Variants in COL8A1 observed in about 807,000 individuals in gnomAD.
COL8A1 encodes collagen type VIII alpha 1 chain.
Under a neutral mutation model 42.7 loss-of-function variants are expected in COL8A1, and 21 were observed. That is an observed-to-expected ratio of 0.49 (90% CI 0.35 to 0.71). The LOEUF is 0.71. Among genes scored for constraint, COL8A1 ranks in the 30% least tolerant of loss-of-function variants. The pLI is 0.01. For missense variants in COL8A1, 788 were observed against 962.4 expected (o/e 0.82, Z 2.40); for synonymous variants, 367 against 369.1 (o/e 0.99, Z 0.06).
intron 1 of COL8A1, among the ~76,000 whole-genome samples, chr3:99,739,158 G>A (rs527782643): frequency 1.3e-5 from 2 of 152,182 alleles, no homozygotes; most frequent in Admixed American, 1.3e-4. Context: ...CAGTACCTCA[G>A]ATGGAAATGC....
chr3:99,743,026 G>A (rs1940937780), intron 1 of COL8A1, among the ~76,000 whole-genome samples: 1 of 152,184 alleles, frequency 6.6e-6, no homozygotes, highest in Admixed American at 6.5e-5. Flanking sequence ...GCACATAGTA[G>A]GTGCTCAATA....
At chr3:99,756,219 C>T (rs1404622966) in intron 2 of COL8A1, among the ~76,000 whole-genome samples, 1 of 151,644 alleles carries the variant, frequency 6.6e-6, no homozygotes, top group East Asian at 1.9e-4. Flanking sequence ...TTTTCTGAAT[C>T]TTATAATCCT....
chr3:99,711,974 T>C (rs1426602523), intron 1 of COL8A1, among the ~76,000 whole-genome samples: 2 of 152,162 alleles, frequency 1.3e-5, no homozygotes, highest in Non-Finnish European at 2.9e-5. Context: ...GTGACTTTCT[T>C]TCCACTAATA....
chr3:99,645,778 G>A (rs1007142507), intron 1 of COL8A1, among the ~76,000 whole-genome samples: 7 of 151,604 alleles, frequency 4.6e-5, no homozygotes, highest in South Asian at 2.1e-4. Flanking sequence ...TGAAATGTCC[G>A]GGCTTGTGGA....
chr3:99,716,405 A>C (rs1376264992), intron 1 of COL8A1, among the ~76,000 whole-genome samples: 1 of 152,092 alleles, frequency 6.6e-6, no homozygotes, highest in Non-Finnish European at 1.5e-5. Flanking sequence ...CAAGCATTCC[A>C]TCAGAATGAT....
At chr3:99,730,461 C>T (rs985156420) in intron 1 of COL8A1, among the ~76,000 whole-genome samples, 13 of 152,098 alleles carry the variant, frequency 8.5e-5, no homozygotes, top group African/African-American at 2.9e-4. Context: ...TCATACCTGG[C>T]CACTGAAGCC....
At chr3:99,742,006 T>A (rs971957755) in intron 1 of COL8A1, among the ~76,000 whole-genome samples, 1 of 152,220 alleles carries the variant, frequency 6.6e-6, no homozygotes, top group African/African-American at 2.4e-5. Context: ...TTTTAAGTAT[T>A]TATATATGCT....
chr3:99,674,669 T>C (rs1178886393), intron 1 of COL8A1, among the ~76,000 whole-genome samples: 1 of 152,040 alleles, frequency 6.6e-6, no homozygotes, highest in Non-Finnish European at 1.5e-5. Flanking sequence ...AGGAATGTAA[T>C]TGAGCTCACA....
intron 1 of COL8A1, among the ~76,000 whole-genome samples, chr3:99,706,580 GC>G (rs1939684925): frequency 6.6e-6 from 1 of 152,100 alleles, no homozygotes; most frequent in African/African-American, 2.4e-5. Context: ...GTTACCAAAT[GC>G]CCTTTATCTT....
intron 1 of COL8A1, among the ~76,000 whole-genome samples, chr3:99,713,510 C>T (rs144984416): frequency 2.3e-3 from 345 of 152,210 alleles, no homozygotes; most frequent in African/African-American, 7.1e-3. Context: ...ACAGAATCCA[C>T]GAGCTTCTAT....
chr3:99,661,915 A>G (rs1320821898), intron 1 of COL8A1, among the ~76,000 whole-genome samples: 1 of 152,218 alleles, frequency 6.6e-6, no homozygotes, highest in East Asian at 1.9e-4. Context: ...AGAGTAGTCA[A>G]ATTTATGGAT....
At chr3:99,693,864 G>A (rs1489943670) in intron 1 of COL8A1, among the ~76,000 whole-genome samples, 1 of 152,182 alleles carries the variant, frequency 6.6e-6, no homozygotes, top group Non-Finnish European at 1.5e-5. Context: ...GCAACTTCAA[G>A]TCCTACAGGC....
At chr3:99,682,440 A>G (rs1576428389) in intron 1 of COL8A1, among the ~76,000 whole-genome samples, 1 of 152,116 alleles carries the variant, frequency 6.6e-6, no homozygotes, top group East Asian at 1.9e-4. Flanking sequence ...AATGATAATA[A>G]TTAGAAGTGT....
intron 1 of COL8A1, among the ~76,000 whole-genome samples, chr3:99,736,028 T>C (rs1230928878): frequency 1.0e-5 from 1 of 99,858 alleles, no homozygotes; most frequent in Non-Finnish European, 2.1e-5. Flanking sequence ...TGCATCTATT[T>C]GATTCTTCTC....
Position 99,795,676 on chromosome 3 carries a change from T to A in COL8A1, c.1775T>A (p.Ile592Asn), listed in dbSNP as rs764312334. The change falls in exon 4 of 4, where the codon ATT becomes AAT. Residue 592 changes from isoleucine to asparagine, a missense_variant. Ile to Asn is a moderately radical substitution (Grantham distance 149). Transcript: ENST00000652472. ...TATCTGCCAGATATGGGGCTGGGAA[T>A]TGATGGCGTGAAACCCCCCCATGCC... is the stretch of plus-strand genomic sequence containing the variant. ...GEYLPDMGLG[I>N]DGVKPPHAYG... 25 of 1,613,862 alleles carry A rather than the reference T, an allele frequency of 1.5e-5. No individual in the cohort carries two copies. The Admixed American group carries it at 4.2e-4, about 27-fold the overall frequency.
chr3:99,646,200 A>G (rs1937637778), intron 1 of COL8A1, among the ~76,000 whole-genome samples: 1 of 152,172 alleles, frequency 6.6e-6, no homozygotes, highest in Non-Finnish European at 1.5e-5. Flanking sequence ...TTTGGGGGAT[A>G]GAGATCAATT....
At chr3:99,700,591 C>T (rs1409912607) in intron 1 of COL8A1, among the ~76,000 whole-genome samples, 2 of 152,154 alleles carry the variant, frequency 1.3e-5, no homozygotes, top group Non-Finnish European at 2.9e-5. Flanking sequence ...TCCAAACCAC[C>T]AAAACTGAGA....
At chr3:99,660,303 T>A (rs1245398796) in intron 1 of COL8A1, among the ~76,000 whole-genome samples, 1 of 152,200 alleles carries the variant, frequency 6.6e-6, no homozygotes, top group South Asian at 2.1e-4. Context: ...TGCCTTTTTC[T>A]ACTTCTGGTC....
chr3:99,692,211 C>T, intron 1 of COL8A1, among the ~76,000 whole-genome samples: 1 of 152,164 alleles, frequency 6.6e-6, no homozygotes, highest in South Asian at 2.1e-4. Flanking sequence ...TACATACATC[C>T]ATGGTACAAG....
Sources: allele counts gnomAD v4.1 joint callset (sites outside exome capture counted in the v4.1 genomes callset), GRCh38; gene constraint gnomAD v4.1.1; transcripts MANE v1.5; gene names NCBI Gene and HGNC (gene_info 2026-07-23, HGNC 2026-07-21).